Variants in ADAR observed in about 807,000 individuals in gnomAD.
ADAR encodes the protein double-stranded RNA-specific adenosine deaminase.
A neutral mutation model predicts 113.2 loss-of-function variants in ADAR; 41 were observed. The ratio of observed to expected loss-of-function variants is 0.36; its 90% CI spans 0.28 to 0.47. The LOEUF is 0.47. ADAR is among the 20% of genes least tolerant of loss of function. The pLI, the probability that ADAR is intolerant of heterozygous loss-of-function variation, is 1.00. For missense variants in ADAR, 1,242 were observed against 1,540.9 expected (o/e 0.81, Z 3.25); for synonymous variants, 605 against 572.6 (o/e 1.06, Z -0.81).
At chr1:154,622,426 C>T (rs1194100387) in intron 1 of ADAR, among the ~76,000 whole-genome samples, 1 of 152,072 alleles carries the variant, frequency 6.6e-6, no homozygotes, top group Admixed American at 6.5e-5. Flanking sequence ...ACCCTTGGTC[C>T]CCAAACTCCA....
intron 9 of ADAR, among the ~76,000 whole-genome samples, 200 bp from the exon 10 acceptor site, chr1:154,588,873 G>A (rs1379396734): frequency 6.6e-6 from 1 of 152,232 alleles, no homozygotes; most frequent in Non-Finnish European, 1.5e-5. Flanking sequence ...CTTCATTTCT[G>A]CTGAGGGCTC....
chr1:154,622,849 A>G (rs896137157), intron 1 of ADAR, among the ~76,000 whole-genome samples: 12 of 152,204 alleles, frequency 7.9e-5, no homozygotes, highest in African/African-American at 2.2e-4. Flanking sequence ...CATATACTAT[A>G]TGCCAGTATG....
At chr1:154,613,732 C>T (rs747275977) in intron 1 of ADAR, among the ~76,000 whole-genome samples, 48 of 151,978 alleles carry the variant, frequency 3.2e-4, no homozygotes, top group South Asian at 6.2e-4. Context: ...TAGAGAAACT[C>T]CGTCTTTACT....
chr1:154,586,768 C>A (rs1270183138), intron 11 of ADAR, among the ~76,000 whole-genome samples: 1 of 152,080 alleles, frequency 6.6e-6, no homozygotes, highest in Non-Finnish European at 1.5e-5. Flanking sequence ...GTAAGTGTTT[C>A]AGGCACACAG....
intron 1 of ADAR, among the ~76,000 whole-genome samples, chr1:154,625,961 A>G (rs11264228): frequency 0.7 from 99,180 of 142,534 alleles, 34,282 homozygotes; most frequent in Admixed American, 0.75. Context: ...CTGAGATCGC[A>G]TCATTGCACT....
rs187648731 is a variant in ADAR, at chr1:154,585,461, A to T, written c.3316-117T>A. The T allele has an allele frequency of 5.1e-4, 759 of 1,489,110 alleles. 12 individuals carry two copies. In the Admixed American group the frequency reaches 0.013, roughly 26 times the overall value. The allele number at this position is 1,489,110 out of a possible 1,614,324, so 92.2% of individuals were successfully genotyped here. Reference sequence around the variant, plus strand: ...TGTGGGGTCATGATCTTTCCCCTGTATTTAGGGTTCTGTTTGGCTAAGACT... The same window carrying T: ...TGTGGGGTCATGATCTTTCCCCTGTTTTTAGGGTTCTGTTTGGCTAAGACT... On this transcript the variant is annotated intron_variant, in intron 13 of 14. Coordinates refer to ENST00000368474, the MANE Select transcript of ADAR (RefSeq NM_001111.5).
In ADAR at chr1:154,584,554, A is replaced by G; in HGVS notation, c.*252T>C. On this transcript the variant is annotated 3_prime_UTR_variant, in exon 15 of 15. Coordinates refer to ENST00000368474, the MANE Select transcript of ADAR (RefSeq NM_001111.5). ...GTGACTATGTATGCTTTGGGTAGAA[A>G]GAAAAGATAACTTCTTAGGTTTCTG... 2 of 502,756 alleles carry G rather than the reference A, an allele frequency of 4.0e-6. No homozygotes were observed. The highest frequency in any genetic ancestry group is 2.6e-5 in the South Asian group (1 of 37,982). The allele number at this position is 502,756 out of a possible 1,614,324, so 31.1% of individuals were successfully genotyped here. A position where few individuals can be genotyped will look rare whatever the true frequency, so the allele number is the denominator to read the frequency against.
intron 9 of ADAR, 51 bp downstream of exon 9, chr1:154,589,318 C>A (rs1266890003): frequency 1.8e-5 from 26 of 1,454,216 alleles, no homozygotes; most frequent in Non-Finnish European, 2.5e-5. Flanking sequence ...GGGCAGGGAA[C>A]TGGAGCTCTC....
Position 154,608,127 on chromosome 1 carries a change from G to A in ADAR, c.-121C>T. 7 of 1,302,910 alleles carry A rather than the reference G, an allele frequency of 5.4e-6. No homozygotes were observed. In the South Asian group the frequency reaches 1.2e-4, roughly 21 times the overall value. The allele number at this position is 1,302,910 out of a possible 1,614,324, so 80.7% of individuals were successfully genotyped here. A position where few individuals can be genotyped will look rare whatever the true frequency, so the allele number is the denominator to read the frequency against. On this transcript the variant is annotated 5_prime_UTR_variant, in exon 1 of 15. Transcript: ENST00000368474. ...GCTACTCCGCACTGGAAGTGGCCCC[G>A]GGGCGTCGGCACGGGAAACTCCGCG...
At chr1:154,616,156 T>C (rs1698629585) in intron 1 of ADAR, among the ~76,000 whole-genome samples, 1 of 152,130 alleles carries the variant, frequency 6.6e-6, no homozygotes, top group South Asian at 2.1e-4. Flanking sequence ...CAGGGGAAGG[T>C]GTTAGGTTCA....
intron 1 of ADAR, among the ~76,000 whole-genome samples, chr1:154,614,245 C>T (rs1417246497): frequency 6.6e-6 from 1 of 152,202 alleles, no homozygotes; most frequent in Non-Finnish European, 1.5e-5. Context: ...ACATTATATT[C>T]TGACACCCTT....
chr1:154,596,740 TTTCC>T (rs1309990483), intron 6 of ADAR, 61 bp downstream of exon 6: 6 of 1,589,870 alleles, frequency 3.8e-6, no homozygotes, highest in Non-Finnish European at 5.2e-6. Flanking sequence ...ACACCCTTGT[TTTCC>T]CTGGGTTACA....
At chr1:154,613,817 T>C (rs1698556569) in intron 1 of ADAR, among the ~76,000 whole-genome samples, 1 of 149,886 alleles carries the variant, frequency 6.7e-6, no homozygotes, top group Non-Finnish European at 1.5e-5. Context: ...GGCAGGAGAA[T>C]CACTTGAACC....
At chr1:154,588,525 C>T in intron 10 of ADAR, 26 bp downstream of exon 10, 3 of 1,612,932 alleles carry the variant, frequency 1.9e-6, no homozygotes, top group Non-Finnish European at 2.5e-6. Context: ...AGGGCCCACC[C>T]TGGCAGCAAC....
At position 154,589,506 on chromosome 1, in the gene ADAR, C is replaced by A. The variant is rs772630652; in HGVS notation, c.2669-44G>T. 9.8e-6 allele frequency: 15 copies of A among 1,529,280 alleles called. No homozygotes were observed. The South Asian group carries it at 1.0e-4, about 10-fold the overall frequency. 94.7% of individuals were successfully genotyped at this position (1,529,280 alleles called of 1,614,324 possible). On this transcript the variant is annotated intron_variant, in intron 8 of 14. Transcript: ENST00000368474. The stretch of plus-strand genomic sequence containing the variant: ...CAGAAATAGAATAATGGAAGGAAAC[C>A]GATGGAAAACAGGATGAAGGCTATT...
intron 6 of ADAR, among the ~76,000 whole-genome samples, chr1:154,593,148 A>C (rs1189949464): frequency 6.6e-6 from 1 of 151,090 alleles, no homozygotes; most frequent in Non-Finnish European, 1.5e-5. Flanking sequence ...AAAAAAAAAA[A>C]AAAAAAAACA....
intron 6 of ADAR, among the ~76,000 whole-genome samples, chr1:154,593,379 C>G (rs796474980): frequency 1.3e-5 from 2 of 152,198 alleles, no homozygotes; most frequent in South Asian, 4.1e-4. Flanking sequence ...CAGCACTCTG[C>G]ATTCACCTCC....
intron 11 of ADAR, among the ~76,000 whole-genome samples, chr1:154,587,554 T>C (rs1696847178): frequency 1.3e-5 from 2 of 152,160 alleles, no homozygotes; most frequent in Admixed American, 6.5e-5. Flanking sequence ...GTCTATACTT[T>C]AGGGTATTTA....
chr1:154,600,939 T>G, intron 2 of ADAR, 102 bp downstream of exon 2: 1 of 1,501,560 alleles, frequency 6.7e-7, no homozygotes, highest in Non-Finnish European at 9.2e-7. Flanking sequence ...GAGGAAAAGA[T>G]AGGCGCCACC....
Sources: gnomAD v4.1 joint callset for allele counts (sites outside exome capture counted in the v4.1 genomes callset) on GRCh38, gnomAD v4.1.1 for gene constraint, MANE v1.5 for transcripts, NCBI Gene and HGNC (gene_info 2026-07-23, HGNC 2026-07-21) for gene names.